The following VEPH1 variants were observed in gnomAD, a reference collection of about 807,000 sequenced individuals.
VEPH1 encodes ventricular zone expressed PH domain containing 1, also known as ventricular zone-expressed PH domain-containing protein homolog 1.
Under a neutral mutation model 85.2 loss-of-function variants are expected in VEPH1, and 80 were observed. That is an observed-to-expected ratio of 0.94 (90% CI 0.78 to 1.13). VEPH1 has a LOEUF of 1.13. VEPH1 is among the 50% of genes most tolerant of loss of function. VEPH1 has a pLI of 0.00. For missense variants in VEPH1, 955 were observed against 980.5 expected (o/e 0.97, Z 0.35); for synonymous variants, 297 against 348.0 (o/e 0.85, Z 1.63).
intron 6 of VEPH1, among the ~76,000 whole-genome samples, chr3:157,391,659 A>G (rs1474426515): frequency 6.6e-6 from 1 of 152,220 alleles, no homozygotes; most frequent in Non-Finnish European, 1.5e-5. Context: ...CACCTGGAAA[A>G]TATATTTGAG....
chr3:157,495,555 A>C, intron 1 of VEPH1, 49 bp from the exon 2 acceptor site: 1 of 1,279,968 alleles, frequency 7.8e-7, no homozygotes, highest in South Asian at 2.0e-5. Context: ...GAATGGCATA[A>C]GCTCAGAATG....
At chr3:157,350,938 A>G (rs1366602842) in intron 9 of VEPH1, among the ~76,000 whole-genome samples, 1 of 152,236 alleles carries the variant, frequency 6.6e-6, no homozygotes, top group African/African-American at 2.4e-5. Context: ...AACTAGTACA[A>G]CCAGTATAGA....
chr3:157,489,939 A>T (rs1479778845), intron 2 of VEPH1, among the ~76,000 whole-genome samples: 1 of 152,020 alleles, frequency 6.6e-6, no homozygotes. Context: ...TATAATTTTA[A>T]AAAAGAATAT....
At chr3:157,459,538 T>C (rs1256232247) in intron 4 of VEPH1, 3 of 951,108 alleles carry the variant, frequency 3.2e-6, no homozygotes, top group South Asian at 3.0e-5. Flanking sequence ...ATTAATATCA[T>C]GTATTGTTCT....
chr3:157,425,253 G>A (rs1732669867), intron 5 of VEPH1, among the ~76,000 whole-genome samples: 1 of 152,226 alleles, frequency 6.6e-6, no homozygotes. Context: ...AGATTTCAGA[G>A]GCTGTATGGA....
At chr3:157,385,248 A>C (rs575976623) in intron 6 of VEPH1, among the ~76,000 whole-genome samples, 1 of 150,632 alleles carries the variant, frequency 6.6e-6, no homozygotes, top group South Asian at 2.1e-4. Context: ...TAAATGACCT[A>C]TGCACATATT....
chr3:157,322,821 G>A (rs542324391), intron 9 of VEPH1, among the ~76,000 whole-genome samples: 3 of 151,990 alleles, frequency 2.0e-5, no homozygotes, highest in South Asian at 4.1e-4. Context: ...AAACATTGAC[G>A]CAATGAATAA....
chr3:157,272,961 G>T (rs1216905914), intron 12 of VEPH1, among the ~76,000 whole-genome samples: 1 of 152,134 alleles, frequency 6.6e-6, no homozygotes, highest in Non-Finnish European at 1.5e-5. Context: ...CCAATTTGCA[G>T]GTAGTTTGTA....
chr3:157,461,870 T>A (rs1239364793), intron 3 of VEPH1, among the ~76,000 whole-genome samples: 2 of 151,810 alleles, frequency 1.3e-5, no homozygotes, highest in Non-Finnish European at 2.9e-5. Flanking sequence ...GGCAAGGACT[T>A]CCTTAAACCT....
In VEPH1 at chr3:157,359,610, G is replaced by T. The variant is rs529299950; in HGVS notation, c.1735+3754C>A. On this transcript the variant is annotated intron_variant, in intron 9 of 13. Coordinates refer to ENST00000362010, the MANE Select transcript of VEPH1 (RefSeq NM_001167912.2). ...ATTTATACTCTATTGCCTGTTCCCAGTGTGATCAATATTATGCAACAATAG... is the reference window on the plus strand; with the variant it reads ...ATTTATACTCTATTGCCTGTTCCCATTGTGATCAATATTATGCAACAATAG... Among the ~76,000 whole-genome samples the T allele has an allele frequency of 3.9e-5, 6 of 152,212 alleles. No individual in the cohort carries two copies. The South Asian group carries it at 1.0e-3, about 26-fold the overall frequency.
At chr3:157,372,903 G>A (rs1015131455) in intron 7 of VEPH1, among the ~76,000 whole-genome samples, 19 of 152,174 alleles carry the variant, frequency 1.2e-4, no homozygotes, top group African/African-American at 2.7e-4. Context: ...ATCTGCAATC[G>A]CTTCATCACA....
intron 12 of VEPH1, among the ~76,000 whole-genome samples, chr3:157,275,327 G>A (rs1322707113): frequency 6.6e-6 from 1 of 152,150 alleles, no homozygotes; most frequent in African/African-American, 2.4e-5. Flanking sequence ...TGTAATCGCA[G>A]CACTTTGGGA....
At chr3:157,440,581 C>T (rs1022452275) in intron 4 of VEPH1, among the ~76,000 whole-genome samples, 3 of 152,046 alleles carry the variant, frequency 2.0e-5, no homozygotes, top group African/African-American at 7.3e-5. Context: ...TACCTACATA[C>T]ACATACACAC....
At chr3:157,482,290 C>A (rs1010686555) in intron 2 of VEPH1, among the ~76,000 whole-genome samples, 1 of 152,086 alleles carries the variant, frequency 6.6e-6, no homozygotes, top group Non-Finnish European at 1.5e-5. Context: ...GTGATGGGAT[C>A]CCAACTCACC....
intron 3 of VEPH1, among the ~76,000 whole-genome samples, chr3:157,461,440 A>C (rs1577712747): frequency 1.3e-5 from 2 of 152,218 alleles, no homozygotes; most frequent in Non-Finnish European, 2.9e-5. Context: ...TTGATGACAG[A>C]CAAAGTTCTG....
chr3:157,302,603 C>T (rs1035031089), intron 11 of VEPH1, among the ~76,000 whole-genome samples: 6 of 152,258 alleles, frequency 3.9e-5, no homozygotes, highest in East Asian at 1.9e-4. Flanking sequence ...GCCTTGATCT[C>T]GGGCTTCCCA....
chr3:157,402,915 G>A (rs1000669436), intron 6 of VEPH1, among the ~76,000 whole-genome samples: 6 of 152,086 alleles, frequency 3.9e-5, no homozygotes, highest in African/African-American at 1.2e-4. Flanking sequence ...GTGTATTGTT[G>A]CTAAGCCAAC....
At chr3:157,318,765 G>T (rs1721068367) in intron 9 of VEPH1, among the ~76,000 whole-genome samples, 1 of 152,010 alleles carries the variant, frequency 6.6e-6, no homozygotes, top group South Asian at 2.1e-4. Flanking sequence ...GATGAGAAAA[G>T]CCAGGCACAG....
At chr3:157,423,827 A>G (rs1732534548) in intron 5 of VEPH1, among the ~76,000 whole-genome samples, 1 of 152,222 alleles carries the variant, frequency 6.6e-6, no homozygotes, top group South Asian at 2.1e-4. Flanking sequence ...TATTGTGGCT[A>G]ATTATGCATA....
Sources: allele counts gnomAD v4.1 joint callset (sites outside exome capture counted in the v4.1 genomes callset), GRCh38; gene constraint gnomAD v4.1.1; transcripts MANE v1.5; gene names NCBI Gene and HGNC (gene_info 2026-07-23, HGNC 2026-07-21).